Variants in KLRC1 observed in about 807,000 individuals in gnomAD.
The protein encoded by KLRC1 is NKG2-A/NKG2-B type II integral membrane protein.
In KLRC1, 22 loss-of-function variants were observed where a neutral mutation model predicts 25.9. The ratio of observed to expected loss-of-function variants is 0.85; its 90% CI spans 0.61 to 1.21. The LOEUF is 1.21. Among genes scored for constraint, KLRC1 ranks in the 50% most tolerant of loss-of-function variants. KLRC1 has a pLI of 0.00. For missense variants in KLRC1, 240 were observed against 272.2 expected (o/e 0.88, Z 0.83); for synonymous variants, 77 against 93.1 (o/e 0.83, Z 0.99).
chr12:10,454,163 TC>T (rs775788958), upstream of KLRC1, among the ~76,000 whole-genome samples: 3 of 152,136 alleles, frequency 2.0e-5, no homozygotes, highest in Admixed American at 2.0e-4. Context: ...GAATAGGTGG[TC>T]CCCCACACAT....
intron 6 of KLRC1, chr12:10,447,095 T>A: frequency 4.5e-6 from 1 of 220,634 alleles, no homozygotes; most frequent in Non-Finnish European, 9.1e-6. Flanking sequence ...GCACTGCAAT[T>A]CCCTGATAGT....
rs1864096645 is a variant in KLRC1 at position 10,450,370 on chromosome 12, T to C, written c.283+114A>G. The C allele has an allele frequency of 9.6e-6, 6 of 622,056 alleles. No individual in the cohort carries two copies. In the East Asian group the frequency reaches 1.6e-4, roughly 17 times the overall value. 38.5% of individuals were successfully genotyped at this position (622,056 alleles called of 1,614,324 possible). A position where few individuals can be genotyped will look rare whatever the true frequency, so the allele number is the denominator to read the frequency against. On this transcript the variant is annotated intron_variant, in intron 3 of 6. Coordinates refer to ENST00000359151, the MANE Select transcript of KLRC1 (RefSeq NM_002259.5). Reference sequence around the variant, plus strand: ...TTCAGAATAATCATTCCACATTTAGTCCAAATATATACATTACAATGAGAA... The same window carrying C: ...TTCAGAATAATCATTCCACATTTAGCCCAAATATATACATTACAATGAGAA...
At chr12:10,447,444 A>C in intron 6 of KLRC1, 88 bp downstream of exon 6, 1 of 1,148,900 alleles carries the variant, frequency 8.7e-7, no homozygotes, top group South Asian at 1.6e-5. Flanking sequence ...CTTCATCTCT[A>C]TGATTCCACA....
downstream of KLRC1, among the ~76,000 whole-genome samples, chr12:10,442,886 C>T (rs61917661): frequency 0.036 from 2,319 of 64,818 alleles, 268 homozygotes; most frequent in African/African-American, 0.15. Flanking sequence ...ATAAGCCAGT[C>T]GCAGGAAGAC....
intron 3 of KLRC1, chr12:10,450,226 A>T: frequency 2.3e-6 from 1 of 436,310 alleles, no homozygotes; most frequent in South Asian, 6.3e-5. Flanking sequence ...TCTATTTCTC[A>T]GTAAGGTTTT....
chr12:10,453,144 A>G, intron 1 of KLRC1, 54 bp downstream of exon 1: 1 of 802,196 alleles, frequency 1.2e-6, no homozygotes. Flanking sequence ...AGCACTTGAA[A>G]TCACCCACTA....
Position 10,447,518 on chromosome 12 carries a change from A to G in KLRC1, c.590+14T>C, listed in dbSNP as rs758954182. Reference sequence around the variant, plus strand: ...TATATATATTGTTATATAGCGCCATACAAAACAACTTACTCATGTTTGAAA... The same window carrying G: ...TATATATATTGTTATATAGCGCCATGCAAAACAACTTACTCATGTTTGAAA... On this transcript the variant is annotated intron_variant, in intron 6 of 6. Coordinates refer to ENST00000359151, the MANE Select transcript of KLRC1 (RefSeq NM_002259.5). 6 of 1,591,692 alleles carry G rather than the reference A, an allele frequency of 3.8e-6. No homozygotes were observed. The highest frequency in any genetic ancestry group is 5.2e-6 in the Non-Finnish European group (6 of 1,162,898).
downstream of KLRC1, among the ~76,000 whole-genome samples, chr12:10,443,149 G>T (rs1191130123): frequency 7.1e-6 from 1 of 141,230 alleles, no homozygotes; most frequent in Admixed American, 6.9e-5. Flanking sequence ...TAACTAAAGA[G>T]TATAACTGGA....
intron 6 of KLRC1, 92 bp downstream of exon 6, chr12:10,447,440 C>T: frequency 6.4e-6 from 7 of 1,096,094 alleles, no homozygotes; most frequent in Admixed American, 2.2e-5. Context: ...CTTTCTTCAT[C>T]TCTATGATTC....
chr12:10,454,600 G>A (rs957757590), upstream of KLRC1: 2 of 985,084 alleles, frequency 2.0e-6, no homozygotes, highest in Non-Finnish European at 2.4e-6. Context: ...ATATACATCT[G>A]TACCTCTGGG....
At chr12:10,450,228 TA>T in intron 3 of KLRC1, 1 of 437,864 alleles carries the variant, frequency 2.3e-6, no homozygotes, top group Middle Eastern at 5.9e-4. Flanking sequence ...TATTTCTCAG[TA>T]AGGTTTTTCA....
chr12:10,445,603 GT>G (rs1863968991), downstream of KLRC1, among the ~76,000 whole-genome samples: 3 of 151,892 alleles, frequency 2.0e-5, no homozygotes, highest in South Asian at 6.2e-4. Flanking sequence ...ATAAAACTAC[GT>G]TATAGCATAT....
chr12:10,446,501 T>C lies in KLRC1; in HGVS notation c.*50A>G. ...ATGCAATCATAATATATTTCTATTT[T>C]AAGAAATATACAATTTATCTGATGC... is the stretch of plus-strand genomic sequence containing the variant. On this transcript the variant is annotated 3_prime_UTR_variant, in exon 7 of 7. Coordinates refer to ENST00000359151, the MANE Select transcript of KLRC1 (RefSeq NM_002259.5). 1 of 1,533,588 alleles carries C rather than the reference T, an allele frequency of 6.5e-7. No homozygotes were observed. Among genetic ancestry groups the C allele is most frequent in the Non-Finnish European group, 8.9e-7 (1 of 1,129,290 alleles). The allele number at this position is 1,533,588 out of a possible 1,614,324, so 95.0% of individuals were successfully genotyped here.
At chr12:10,450,201 T>A (rs1864092332) in intron 3 of KLRC1, 2 of 430,878 alleles carry the variant, frequency 4.6e-6, no homozygotes, top group African/African-American at 2.1e-5. Context: ...ATTTAACTAC[T>A]TTCAAAAATT....
downstream of KLRC1, among the ~76,000 whole-genome samples, chr12:10,442,965 A>C (rs1276039008): frequency 5.7e-5 from 5 of 87,940 alleles, no homozygotes. Context: ...GGAGAGAGAC[A>C]GTAGAAGGAT....
intron 5 of KLRC1, 48 bp downstream of exon 5, chr12:10,449,189 C>A (rs752858176): frequency 1.2e-6 from 2 of 1,608,414 alleles, no homozygotes; most frequent in South Asian, 2.2e-5. Context: ...AATATATTAT[C>A]GACCGAAAGA....
At chr12:10,453,912 C>T (rs186675345), upstream of KLRC1, among the ~76,000 whole-genome samples, 71 of 152,152 alleles carry the variant, frequency 4.7e-4, no homozygotes, top group Non-Finnish European at 7.9e-4. Context: ...TCAGATTACC[C>T]TTGATAAAAA....
At chr12:10,450,265 A>G (rs1864093606) in intron 3 of KLRC1, 1 of 468,802 alleles carries the variant, frequency 2.1e-6, no homozygotes, top group African/African-American at 2.0e-5. Context: ...TTTTTGAGTT[A>G]TGAAATCCAA....
At chr12:10,447,761 A>G in intron 5 of KLRC1, 129 bp from the exon 6 acceptor site, 1 of 725,442 alleles carries the variant, frequency 1.4e-6, no homozygotes, top group Non-Finnish European at 2.2e-6. Flanking sequence ...TTTGATATAA[A>G]TGAACCCGTC....
Sources: allele counts gnomAD v4.1 joint callset (sites outside exome capture counted in the v4.1 genomes callset), GRCh38; gene constraint gnomAD v4.1.1; transcripts MANE v1.5; gene names NCBI Gene and HGNC (gene_info 2026-07-23, HGNC 2026-07-21).